PTPRK: variants seen among roughly 807,000 people sequenced by gnomAD.
PTPRK encodes receptor-type tyrosine-protein phosphatase kappa.
Under a neutral mutation model 178.0 loss-of-function variants are expected in PTPRK, and 75 were observed. The ratio of observed to expected loss-of-function variants is 0.42; its 90% CI spans 0.35 to 0.51. The LOEUF (loss-of-function observed/expected upper bound fraction) is 0.51, where lower values mean the gene tolerates loss of function less well. PTPRK is among the 20% of genes least tolerant of loss of function. The pLI is 0.02. For synonymous variants in PTPRK, 637 were observed against 620.6 expected, an observed-to-expected ratio of 1.03 and a Z score of -0.39; for missense variants, 1,441 against 1,797.8, an observed-to-expected ratio of 0.80 and a Z score of 3.59.
At chr6:128,432,553 T>C (rs1584692162) in intron 1 of PTPRK, among the ~76,000 whole-genome samples, 1 of 152,330 alleles carries the variant, frequency 6.6e-6, no homozygotes, top group East Asian at 1.9e-4. Context: ...CTGATGTGAA[T>C]CATACAAAAA....
At chr6:128,323,123 G>A (rs1829056633) in intron 2 of PTPRK, among the ~76,000 whole-genome samples, 1 of 151,994 alleles carries the variant, frequency 6.6e-6, no homozygotes, top group Non-Finnish European at 1.5e-5. Context: ...GTGTTCATTG[G>A]TTATCTGTCA....
rs1386415328 is a variant in PTPRK, at chr6:127,989,763, T to C, written c.3096+1006A>G. 2.6e-5 allele frequency among the ~76,000 whole-genome samples: 4 copies of C among 152,024 alleles called. No individual in the cohort carries two copies. The East Asian group carries it at 7.7e-4, about 29-fold the overall frequency. On this transcript the variant is annotated intron_variant, in intron 21 of 29. Coordinates refer to ENST00000368226, the MANE Select transcript of PTPRK (RefSeq NM_002844.4). ...CAAAATGGTATATAAGTACACTAGG[T>C]TAAACATTTTTAATAGGCTTGTTAA...
chr6:128,060,634 TAA>T (rs1309397619), intron 13 of PTPRK, among the ~76,000 whole-genome samples: 1 of 152,160 alleles, frequency 6.6e-6, no homozygotes, highest in Non-Finnish European at 1.5e-5. Flanking sequence ...CAATTTGAGC[TAA>T]ACTGTCTTCC....
intron 7 of PTPRK, among the ~76,000 whole-genome samples, chr6:128,170,231 A>C (rs1419374374): frequency 6.6e-6 from 1 of 152,048 alleles, no homozygotes; most frequent in Non-Finnish European, 1.5e-5. Context: ...GGATGAGTTA[A>C]AACTCCCCTG....
At chr6:128,349,203 C>T (rs78404972) in intron 2 of PTPRK, among the ~76,000 whole-genome samples, 2,077 of 152,084 alleles carry the variant, frequency 0.014, 51 homozygotes, top group African/African-American at 0.046. Flanking sequence ...TATAGCAAAC[C>T]TAAAATCATG....
intron 2 of PTPRK, among the ~76,000 whole-genome samples, chr6:128,335,003 G>A (rs1332011666): frequency 2.0e-5 from 3 of 152,154 alleles, no homozygotes; most frequent in Admixed American, 6.6e-5. Flanking sequence ...CTGGAGAATC[G>A]TTTGAACCCA....
At chr6:128,346,301 A>G (rs1450347652) in intron 2 of PTPRK, among the ~76,000 whole-genome samples, 1 of 152,056 alleles carries the variant, frequency 6.6e-6, no homozygotes, top group Non-Finnish European at 1.5e-5. Context: ...ATATTCAAAG[A>G]AGGTAAATTT....
At chr6:128,100,598 A>G (rs1210622888) in intron 7 of PTPRK, among the ~76,000 whole-genome samples, 1 of 151,966 alleles carries the variant, frequency 6.6e-6, no homozygotes, top group Non-Finnish European at 1.5e-5. Flanking sequence ...TTTTTTGAAC[A>G]TTAGTTGATC....
At chr6:128,003,643 C>A (rs1778094650) in intron 15 of PTPRK, among the ~76,000 whole-genome samples, 1 of 151,742 alleles carries the variant, frequency 6.6e-6, no homozygotes, top group Non-Finnish European at 1.5e-5. Flanking sequence ...TTTATAGTTA[C>A]ACTGCTGAAT....
At chr6:128,388,200 T>C (rs1444805959) in intron 2 of PTPRK, among the ~76,000 whole-genome samples, 3 of 152,240 alleles carry the variant, frequency 2.0e-5, no homozygotes, top group Admixed American at 6.5e-5. Flanking sequence ...TTTTTGTGTT[T>C]ATTTATTGAT....
Position 128,240,051 on chromosome 6 carries a change from T to C in PTPRK, c.677A>G (p.Asn226Ser), listed in dbSNP as rs13198026. 1 of 1,613,974 alleles carries C rather than the reference T, an allele frequency of 6.2e-7. No individual in the cohort carries two copies. Among genetic ancestry groups the C allele is most frequent in the Admixed American group, 1.7e-5 (1 of 60,006 alleles). The change falls in exon 5 of 30, where the codon AAC becomes AGC. Residue 226 changes from asparagine (N) to serine (S), a missense_variant. By Grantham distance (46) the Asn-to-Ser change is conservative. Coordinates refer to ENST00000368226, the MANE Select transcript of PTPRK (RefSeq NM_002844.4). ...CIATGRDAVH[N>S]KLWLQRRNGE... is the part of the protein sequence containing the mutation. ...TGGCCTTACCTGGAGCCATAACTTG[T>C]TATGCACAGCATCTCTCCCTGTGGC... is the stretch of plus-strand genomic sequence containing the variant.
intron 3 of PTPRK, among the ~76,000 whole-genome samples, chr6:128,280,579 T>A (rs1821513892): frequency 6.6e-6 from 1 of 152,134 alleles, no homozygotes; most frequent in Admixed American, 6.6e-5. Context: ...ATTAAGTTTA[T>A]GGAAATAATA....
At chr6:128,114,067 AAGAGGCAG>A (rs1488223665) in intron 7 of PTPRK, among the ~76,000 whole-genome samples, 3 of 152,124 alleles carry the variant, frequency 2.0e-5, no homozygotes, top group Non-Finnish European at 4.4e-5. Context: ...TTTGAAGGCT[AAGAGGCAG>A]GAGTTGATTA....
At chr6:128,043,409 G>C (rs1582684426) in intron 13 of PTPRK, among the ~76,000 whole-genome samples, 1 of 151,394 alleles carries the variant, frequency 6.6e-6, no homozygotes, top group Non-Finnish European at 1.5e-5. Flanking sequence ...CATAGGAAGA[G>C]GGCATTGACT....
intron 18 of PTPRK, among the ~76,000 whole-genome samples, chr6:127,994,386 T>TA (rs575321104): frequency 1.3e-5 from 2 of 151,574 alleles, no homozygotes; most frequent in East Asian, 3.9e-4. Flanking sequence ...ATTTTAATTG[T>TA]AAAAAAAATA....
At chr6:128,428,735 T>A (rs527597851) in intron 1 of PTPRK, among the ~76,000 whole-genome samples, 4 of 152,240 alleles carry the variant, frequency 2.6e-5, no homozygotes, top group South Asian at 4.1e-4. Context: ...CAACCTATGA[T>A]GGATTGACTT....
chr6:128,276,431 A>T (rs1379486745), intron 3 of PTPRK, among the ~76,000 whole-genome samples: 1 of 152,148 alleles, frequency 6.6e-6, no homozygotes, highest in Non-Finnish European at 1.5e-5. Context: ...GGATATATTA[A>T]CCACAAGAAA....
intron 2 of PTPRK, among the ~76,000 whole-genome samples, chr6:128,392,031 A>T (rs1362150965): frequency 2.6e-5 from 4 of 151,998 alleles, no homozygotes; most frequent in Non-Finnish European, 4.4e-5. Context: ...AACACACCAA[A>T]TCTCTCCAAA....
chr6:128,047,059 C>A (rs1238126831), intron 13 of PTPRK, among the ~76,000 whole-genome samples: 1 of 152,076 alleles, frequency 6.6e-6, no homozygotes, highest in Non-Finnish European at 1.5e-5. Flanking sequence ...AAAACAAATT[C>A]TTCATCAAGT....
Sources: gnomAD v4.1 joint callset for allele counts (sites outside exome capture counted in the v4.1 genomes callset) on GRCh38, gnomAD v4.1.1 for gene constraint, MANE v1.5 for transcripts, NCBI Gene and HGNC (gene_info 2026-07-23, HGNC 2026-07-21) for gene names.